OXR1: variants seen among roughly 807,000 people sequenced by gnomAD.
OXR1 encodes the protein oxidation resistance protein 1.
OXR1 carries 41 observed loss-of-function variants against 104.6 expected under a neutral mutation model. That is an observed-to-expected ratio of 0.39 (90% CI 0.31 to 0.51). The LOEUF is 0.51. Ranked by LOEUF, OXR1 falls within the 20% of genes least tolerant of loss-of-function variation. The pLI, the probability that OXR1 is intolerant of heterozygous loss-of-function variation, is 0.77. For missense variants in OXR1, 955 were observed against 1,031.9 expected (o/e 0.93, Z 1.02); for synonymous variants, 348 against 348.4 (o/e 1.00, Z 0.01).
intron 3 of OXR1, among the ~76,000 whole-genome samples, chr8:106,570,589 C>T (rs180939504): frequency 6.6e-6 from 1 of 152,178 alleles, no homozygotes; most frequent in African/African-American, 2.4e-5. Flanking sequence ...AGACTGTTCT[C>T]TCTTCTGAAA....
intron 3 of OXR1, among the ~76,000 whole-genome samples, chr8:106,631,762 T>C (rs1225668479): frequency 6.6e-6 from 1 of 152,140 alleles, no homozygotes; most frequent in African/African-American, 2.4e-5. Context: ...CTAAGAAAGA[T>C]TTGATTCTAA....
chr8:106,626,576 G>A (rs1822181720), intron 3 of OXR1, among the ~76,000 whole-genome samples: 1 of 142,512 alleles, frequency 7.0e-6, no homozygotes, highest in Non-Finnish European at 1.5e-5. Flanking sequence ...TACCTTAAAA[G>A]TAGCTCATTT....
intron 2 of OXR1, among the ~76,000 whole-genome samples, chr8:106,426,078 GC>G (rs1819106299): frequency 6.6e-6 from 1 of 152,106 alleles, no homozygotes; most frequent in Admixed American, 6.5e-5. Context: ...CAGTGGAGGG[GC>G]TGTGGGACCA....
At chr8:106,698,101 T>C in intron 7 of OXR1, 1 of 810,814 alleles carries the variant, frequency 1.2e-6, no homozygotes, top group Non-Finnish European at 2.1e-6. Flanking sequence ...GCTGCCGAGC[T>C]TCTTCTTACA....
intron 2 of OXR1, among the ~76,000 whole-genome samples, chr8:106,462,466 G>C (rs1368528087): frequency 6.6e-6 from 1 of 152,028 alleles, no homozygotes; most frequent in Non-Finnish European, 1.5e-5. Context: ...AAAACACTTT[G>C]CTTCTCTGAA....
Position 106,410,677 on chromosome 8 carries a change from A to G in OXR1, c.23+51041A>G, listed in dbSNP as rs150026979. Reference sequence around the variant, plus strand: ...AAACCTAAGATGTAGCTAAGCCAATATAAGATATGACTTAGAAAGGAGAAA... The same window carrying G: ...AAACCTAAGATGTAGCTAAGCCAATGTAAGATATGACTTAGAAAGGAGAAA... On this transcript the variant is annotated intron_variant, in intron 2 of 16. Coordinates refer to ENST00000517566, the MANE Select transcript of OXR1 (RefSeq NM_001198533.2). 4.6e-5 allele frequency among the ~76,000 whole-genome samples: 7 copies of G among 152,310 alleles called. No homozygotes were observed. The East Asian group carries it at 1.2e-3, about 25-fold the overall frequency.
intron 2 of OXR1, among the ~76,000 whole-genome samples, chr8:106,484,362 A>G (rs1023925188): frequency 6.6e-5 from 10 of 152,082 alleles, no homozygotes; most frequent in African/African-American, 2.4e-4. Context: ...GTTGCCCTGA[A>G]TTGATCATTA....
intron 1 of OXR1, among the ~76,000 whole-genome samples, chr8:106,280,839 A>C (rs1200941957): frequency 6.6e-6 from 1 of 152,208 alleles, no homozygotes; most frequent in Non-Finnish European, 1.5e-5. Context: ...GAGGGCCAGT[A>C]GGATAGTTGA....
intron 3 of OXR1, among the ~76,000 whole-genome samples, chr8:106,589,574 G>A (rs1265642413): frequency 1.3e-5 from 2 of 152,064 alleles, no homozygotes; most frequent in East Asian, 1.9e-4. Flanking sequence ...GGAATGTGCC[G>A]ATTTCAGACG....
At chr8:106,328,746 A>T (rs1305405982) in intron 1 of OXR1, among the ~76,000 whole-genome samples, 1 of 152,232 alleles carries the variant, frequency 6.6e-6, no homozygotes, top group Non-Finnish European at 1.5e-5. Flanking sequence ...TAACAAGATC[A>T]CCACCATCCT....
intron 1 of OXR1, among the ~76,000 whole-genome samples, chr8:106,343,960 C>T (rs777200860): frequency 2.0e-5 from 3 of 152,100 alleles, no homozygotes; most frequent in Non-Finnish European, 2.9e-5. Context: ...TGAGTATGGG[C>T]CTTCCTTTAC....
chr8:106,625,347 C>G (rs771622422), intron 3 of OXR1, among the ~76,000 whole-genome samples: 1 of 152,118 alleles, frequency 6.6e-6, no homozygotes, highest in Non-Finnish European at 1.5e-5. Context: ...GAGACCACCC[C>G]CTTTCAGAAA....
chr8:106,431,965 T>C (rs1249293140), intron 2 of OXR1, among the ~76,000 whole-genome samples: 1 of 152,228 alleles, frequency 6.6e-6, no homozygotes. Context: ...AATTTGTGTA[T>C]ATTTTTCTAT....
intron 2 of OXR1, among the ~76,000 whole-genome samples, chr8:106,367,949 A>G (rs552339385): frequency 1.3e-5 from 2 of 152,280 alleles, no homozygotes; most frequent in African/African-American, 4.8e-5. Flanking sequence ...AAAACAGCCA[A>G]TAAGGGGGAG....
chr8:106,628,814 T>C (rs1487162264), intron 3 of OXR1, among the ~76,000 whole-genome samples: 1 of 152,166 alleles, frequency 6.6e-6, no homozygotes, highest in Non-Finnish European at 1.5e-5. Context: ...GTCTCCATTG[T>C]CTTCGTACCC....
intron 1 of OXR1, among the ~76,000 whole-genome samples, chr8:106,341,611 T>C (rs542544749): frequency 3.3e-5 from 5 of 152,290 alleles, no homozygotes; most frequent in Admixed American, 2.0e-4. Context: ...CTGCTACTGC[T>C]TCCCACACAA....
chr8:106,482,004 A>G (rs1822151228), intron 2 of OXR1, among the ~76,000 whole-genome samples: 1 of 152,080 alleles, frequency 6.6e-6, no homozygotes, highest in African/African-American at 2.4e-5. Context: ...TGAAAAAATG[A>G]CATGTACATA....
At chr8:106,697,217 A>G (rs866558349) in intron 7 of OXR1, among the ~76,000 whole-genome samples, 2 of 152,130 alleles carry the variant, frequency 1.3e-5, no homozygotes, top group African/African-American at 2.4e-5. Flanking sequence ...TCCAGTTTTG[A>G]TGGGTATGGG....
intron 2 of OXR1, among the ~76,000 whole-genome samples, chr8:106,366,081 ATAAT>A (rs1031011447): frequency 1.2e-4 from 19 of 152,208 alleles, no homozygotes; most frequent in African/African-American, 4.6e-4. Flanking sequence ...GTCATTAGAA[ATAAT>A]TGATTGATTA....
Sources: allele counts gnomAD v4.1 joint callset (sites outside exome capture counted in the v4.1 genomes callset), GRCh38; gene constraint gnomAD v4.1.1; transcripts MANE v1.5; gene names NCBI Gene and HGNC (gene_info 2026-07-23, HGNC 2026-07-21).